The following XYLT1 variants were observed in gnomAD, a reference collection of about 807,000 sequenced individuals.
XYLT1 encodes beta-D-xylosyltransferase 1.
XYLT1 carries 36 observed loss-of-function variants against 91.3 expected under a neutral mutation model. The observed-to-expected ratio is 0.39, with a 90% CI of 0.30 to 0.52. The LOEUF (loss-of-function observed/expected upper bound fraction) is 0.52. XYLT1 is among the 20% of genes least tolerant of loss of function. The pLI is 0.68. For synonymous variants in XYLT1, 588 were observed against 532.0 expected (o/e 1.11, Z -1.45); for missense variants, 1,242 against 1,284.5 (o/e 0.97, Z 0.51).
At chr16:17,410,149 C>T (rs1490677926) in intron 1 of XYLT1, among the ~76,000 whole-genome samples, 4 of 152,104 alleles carry the variant, frequency 2.6e-5, no homozygotes, top group Admixed American at 6.5e-5. Context: ...GGATTCTGTA[C>T]CAGGCTAGTT....
chr16:17,341,143 T>C (rs2141847022), intron 2 of XYLT1, among the ~76,000 whole-genome samples: 1 of 152,322 alleles, frequency 6.6e-6, no homozygotes, highest in Middle Eastern at 3.4e-3. Context: ...TCTAGTCACT[T>C]ACCCTACAGA....
intron 3 of XYLT1, among the ~76,000 whole-genome samples, chr16:17,220,508 T>C (rs1034131925): frequency 6.6e-6 from 1 of 152,216 alleles, no homozygotes; most frequent in Non-Finnish European, 1.5e-5. Context: ...AGTCCCACTC[T>C]GTCCCCCAGG....
At chr16:17,300,550 G>A (rs1230370537) in intron 2 of XYLT1, among the ~76,000 whole-genome samples, 1 of 138,062 alleles carries the variant, frequency 7.2e-6, no homozygotes, top group Non-Finnish European at 1.5e-5. Flanking sequence ...GCTGCCTCCT[G>A]GGTTCAAGTG....
intron 9 of XYLT1, among the ~76,000 whole-genome samples, chr16:17,128,361 G>A (rs971788644): frequency 1.3e-5 from 2 of 152,174 alleles, no homozygotes; most frequent in Non-Finnish European, 2.9e-5. Context: ...CTGAAGACAC[G>A]ATTTTGTATG....
chr16:17,150,170 G>C (rs2031247610), intron 6 of XYLT1, among the ~76,000 whole-genome samples: 1 of 152,192 alleles, frequency 6.6e-6, no homozygotes, highest in East Asian at 1.9e-4. Flanking sequence ...CCAAGCTCTG[G>C]ATGAGCTCGC....
intron 6 of XYLT1, among the ~76,000 whole-genome samples, chr16:17,148,229 C>T (rs1279367806): frequency 1.3e-5 from 2 of 152,344 alleles, no homozygotes; most frequent in East Asian, 1.9e-4. Flanking sequence ...AAGCGCTGTT[C>T]ACCCAAGCAA....
chr16:17,130,036 C>T (rs1322186903), intron 9 of XYLT1, among the ~76,000 whole-genome samples: 2 of 152,218 alleles, frequency 1.3e-5, no homozygotes, highest in Non-Finnish European at 2.9e-5. Flanking sequence ...TGCTTTCTTG[C>T]TCTTTTGAGG....
intron 6 of XYLT1, among the ~76,000 whole-genome samples, chr16:17,155,868 C>T (rs1278836090): frequency 6.6e-6 from 1 of 152,120 alleles, no homozygotes; most frequent in Non-Finnish European, 1.5e-5. Flanking sequence ...CTGTCAATTA[C>T]GGATGCACAT....
intron 2 of XYLT1, among the ~76,000 whole-genome samples, chr16:17,331,328 G>A (rs1159393759): frequency 6.6e-6 from 1 of 152,192 alleles, no homozygotes. Context: ...CAAGGGTGGA[G>A]GCCATGTCCT....
At chr16:17,454,384 T>C (rs2036707763) in intron 1 of XYLT1, among the ~76,000 whole-genome samples, 1 of 152,200 alleles carries the variant, frequency 6.6e-6, no homozygotes, top group Non-Finnish European at 1.5e-5. Context: ...AACTTTTTGG[T>C]AACAGGCCAG....
At chr16:17,258,400 G>C (rs2033668109) in intron 3 of XYLT1, among the ~76,000 whole-genome samples, 1 of 151,226 alleles carries the variant, frequency 6.6e-6, no homozygotes, top group African/African-American at 2.4e-5. Flanking sequence ...GGAAGAAAAG[G>C]AAAGGGAGAA....
At chr16:17,470,081 G>T (rs2036962523) in intron 1 of XYLT1, among the ~76,000 whole-genome samples, 1 of 141,954 alleles carries the variant, frequency 7.0e-6, no homozygotes, top group South Asian at 2.3e-4. Context: ...ACTCACTCAG[G>T]CAGGGAGCGA....
chr16:17,304,087 C>A (rs971607336), intron 2 of XYLT1, among the ~76,000 whole-genome samples: 5 of 151,940 alleles, frequency 3.3e-5, no homozygotes, highest in Admixed American at 3.3e-4. Context: ...GGTAAGAAGG[C>A]ATAATTTATG....
At chr16:17,239,371 C>T (rs2033304082) in intron 3 of XYLT1, among the ~76,000 whole-genome samples, 1 of 136,780 alleles carries the variant, frequency 7.3e-6, no homozygotes, top group Non-Finnish European at 1.7e-5. Context: ...TCTATCCATC[C>T]ATTCATCCCA....
At chr16:17,301,529 A>C (rs1215931299) in intron 2 of XYLT1, among the ~76,000 whole-genome samples, 1 of 152,208 alleles carries the variant, frequency 6.6e-6, no homozygotes. Flanking sequence ...ATTTATATTA[A>C]ATTAAATTTT....
chr16:17,275,856 CCA>C (rs780472055), intron 2 of XYLT1, among the ~76,000 whole-genome samples: 16 of 152,136 alleles, frequency 1.1e-4, no homozygotes, highest in Non-Finnish European at 1.8e-4. Context: ...GCCCTATCCC[CCA>C]CACACACCCT....
At chr16:17,244,925 G>A (rs2033411664) in intron 3 of XYLT1, among the ~76,000 whole-genome samples, 1 of 152,114 alleles carries the variant, frequency 6.6e-6, no homozygotes, top group South Asian at 2.1e-4. Context: ...CATCTAACTT[G>A]TGAATTCTTT....
At chr16:17,185,320 C>A in intron 5 of XYLT1, among the ~76,000 whole-genome samples, 1 of 152,242 alleles carries the variant, frequency 6.6e-6, no homozygotes. Flanking sequence ...GCATGTTTTT[C>A]CAGTCTCCTT....
At chr16:17,341,021 G>T (rs1004693152) in intron 2 of XYLT1, among the ~76,000 whole-genome samples, 12 of 152,216 alleles carry the variant, frequency 7.9e-5, no homozygotes, top group African/African-American at 2.9e-4. Flanking sequence ...CAGTGCCTTT[G>T]AAAGAGGAAA....
Sources: gnomAD v4.1 joint callset for allele counts (sites outside exome capture counted in the v4.1 genomes callset) on GRCh38, gnomAD v4.1.1 for gene constraint, MANE v1.5 for transcripts, NCBI Gene and HGNC (gene_info 2026-07-23, HGNC 2026-07-21) for gene names.